Variants in RNF43 observed in about 807,000 individuals in gnomAD.
The protein encoded by RNF43 is ring finger protein 43.
In RNF43, 37 loss-of-function variants were observed where a neutral mutation model predicts 78.4. The observed-to-expected ratio is 0.47, with a 90% CI of 0.36 to 0.62. RNF43 has a LOEUF of 0.62. Ranked by LOEUF, RNF43 falls within the 20% of genes least tolerant of loss-of-function variation. The pLI, the probability that RNF43 is intolerant of heterozygous loss-of-function variation, is 0.00. For synonymous variants in RNF43, 347 were observed against 395.0 expected (o/e 0.88, Z 1.44); for missense variants, 774 against 1,007.9 (o/e 0.77, Z 3.14).
At chr17:58,368,930 G>A (rs1973015734) in intron 3 of RNF43, among the ~76,000 whole-genome samples, 1 of 152,124 alleles carries the variant, frequency 6.6e-6, no homozygotes, top group Non-Finnish European at 1.5e-5. Context: ...AAGGTCTAGA[G>A]GTCCTGTGAG....
At chr17:58,392,377 A>C (rs1973578241) in intron 2 of RNF43, among the ~76,000 whole-genome samples, 1 of 152,252 alleles carries the variant, frequency 6.6e-6, no homozygotes, top group Non-Finnish European at 1.5e-5. Flanking sequence ...ATGACCAAAA[A>C]ATGAACTTAT....
intron 2 of RNF43, among the ~76,000 whole-genome samples, chr17:58,401,189 T>C (rs547596984): frequency 2.6e-5 from 4 of 152,276 alleles, no homozygotes; most frequent in Non-Finnish European, 5.9e-5. Flanking sequence ...GATTCATGCT[T>C]ATTAATAGAT....
chr17:58,407,667 A>AT (rs1973941507), intron 2 of RNF43, among the ~76,000 whole-genome samples: 1 of 152,244 alleles, frequency 6.6e-6, no homozygotes, highest in African/African-American at 2.4e-5. Context: ...GGCTTTAAAA[A>AT]ATATATAAAG....
In RNF43 at chr17:58,360,245, G is replaced by A. The variant is rs886926322; in HGVS notation, c.856C>T (p.Arg286Trp). Residue 286 changes from arginine (R) to tryptophan (W), a missense_variant, in exon 8 of 10, where the codon CGG becomes TGG. Transcript: ENST00000407977. This position sits in a 1 kb window ranked among gnomAD's most constrained non-coding sequence, Gnocchi z 4.3. Reference sequence around the variant, plus strand: ...AACTCATGGAGGCAGGAAATGACCCGTAGCTCCTGGAGAAAAAGAGGGGGT... The same window carrying A: ...AACTCATGGAGGCAGGAAATGACCCATAGCTCCTGGAGAAAAAGAGGGGGT... ...LEEFSEGQEL[R>W]VISCLHEFHR... 1.2e-6 allele frequency: 2 copies of A among 1,613,560 alleles called. No homozygotes were observed. The highest frequency in any genetic ancestry group is 1.7e-6 in the Non-Finnish European group (2 of 1,179,496).
intron 2 of RNF43, among the ~76,000 whole-genome samples, chr17:58,391,051 T>A (rs1973546271): frequency 6.6e-6 from 1 of 152,226 alleles, no homozygotes; most frequent in African/African-American, 2.4e-5. Flanking sequence ...ATGTTTGTTA[T>A]CTTATGCTCC....
chr17:58,385,850 T>C (rs1259096245), intron 2 of RNF43, among the ~76,000 whole-genome samples: 1 of 152,180 alleles, frequency 6.6e-6, no homozygotes, highest in Non-Finnish European at 1.5e-5. Context: ...CTCATGCTTG[T>C]AATCCCATAA....
chr17:58,405,729 A>C (rs1489070874), intron 2 of RNF43, among the ~76,000 whole-genome samples: 1 of 151,624 alleles, frequency 6.6e-6, no homozygotes, highest in African/African-American at 2.4e-5. Flanking sequence ...AAAGAAAGAA[A>C]GAAAGAAAGA....
At chr17:58,414,605 T>C (rs2680687) in intron 2 of RNF43, among the ~76,000 whole-genome samples, 23,490 of 152,220 alleles carry the variant, frequency 0.15, 2,148 homozygotes, top group Non-Finnish European at 0.22. Context: ...GAATAGGCCA[T>C]GTATGAATGA....
chr17:58,381,245 T>C lies in RNF43; in HGVS notation c.253-10212A>G, dbSNP rs374844970. Among the ~76,000 whole-genome samples, 22 of 152,098 alleles carry C rather than the reference T, an allele frequency of 1.4e-4. 1 individual carries two copies. The South Asian group carries it at 2.1e-3, about 14-fold the overall frequency. On this transcript the variant is annotated intron_variant, in intron 2 of 9. Coordinates refer to ENST00000407977, the MANE Select transcript of RNF43 (RefSeq NM_017763.6). ...GCCCAGAGTCTCTCCTCAGAAGCCA[T>C]TGGGGGGTTGACATTAGGCCAAGAA...
At chr17:58,392,002 C>T (rs988356939) in intron 2 of RNF43, among the ~76,000 whole-genome samples, 2 of 149,330 alleles carry the variant, frequency 1.3e-5, no homozygotes, top group African/African-American at 5.0e-5. Context: ...AGAAAAACGA[C>T]CCTCAAGATG....
At chr17:58,356,458 T>C (rs1972686260) in intron 9 of RNF43, among the ~76,000 whole-genome samples, 2 of 152,156 alleles carry the variant, frequency 1.3e-5, no homozygotes, top group South Asian at 2.1e-4. Context: ...AAGAGAGATA[T>C]GTGGGCAAGT....
intron 2 of RNF43, among the ~76,000 whole-genome samples, chr17:58,378,494 T>C (rs1476154107): frequency 1.3e-5 from 2 of 152,202 alleles, no homozygotes; most frequent in Non-Finnish European, 2.9e-5. Flanking sequence ...TGGGCTCAAG[T>C]GATCCTCCTG....
intron 2 of RNF43, among the ~76,000 whole-genome samples, chr17:58,401,004 T>G (rs1045189347): frequency 3.9e-5 from 6 of 152,122 alleles, no homozygotes; most frequent in Non-Finnish European, 8.8e-5. Context: ...TAACCTACAT[T>G]TCTGGGAAAA....
At chr17:58,401,487 T>C (rs1973798827) in intron 2 of RNF43, among the ~76,000 whole-genome samples, 1 of 152,234 alleles carries the variant, frequency 6.6e-6, no homozygotes, top group African/African-American at 2.4e-5. Flanking sequence ...TTGATTCCAT[T>C]GTCTCTGCCA....
In RNF43 at chr17:58,360,222, C is replaced by T. The variant is rs1567875053; in HGVS notation, c.879G>A (p.Glu293=). The change falls in exon 8 of 10, where the codon GAG becomes GAA. Residue 293 remains glutamate (E), a synonymous_variant. Coordinates refer to ENST00000407977, the MANE Select transcript of RNF43 (RefSeq NM_017763.6). The surrounding 1 kb of genome is among the most constrained non-coding windows in gnomAD (Gnocchi z 4.3). The part of the protein sequence containing the change: ...QELRVISCLH[E]FHRNCVDPWL... ...AGGGGTCCACACAGTTACGATGGAA[C>T]TCATGGAGGCAGGAAATGACCCGTA... 1 of 1,614,072 alleles carries T rather than the reference C, an allele frequency of 6.2e-7. No individual in the cohort carries two copies. Among genetic ancestry groups the T allele is most frequent in the East Asian group, 2.2e-5 (1 of 44,876 alleles).
At chr17:58,394,208 T>A (rs561117102) in intron 2 of RNF43, among the ~76,000 whole-genome samples, 21 of 152,258 alleles carry the variant, frequency 1.4e-4, no homozygotes, top group Non-Finnish European at 2.8e-4. Context: ...TTGGTTGCAA[T>A]GAAATGAAAG....
intron 2 of RNF43, among the ~76,000 whole-genome samples, chr17:58,400,517 T>C (rs1179104743): frequency 6.6e-6 from 1 of 152,186 alleles, no homozygotes; most frequent in East Asian, 1.9e-4. Flanking sequence ...GCAACACTCA[T>C]ACATTATTTC....
chr17:58,366,552 G>A (rs947545644), intron 3 of RNF43, among the ~76,000 whole-genome samples: 4 of 152,328 alleles, frequency 2.6e-5, no homozygotes, highest in Middle Eastern at 3.4e-3. Context: ...AGGGTGAAAG[G>A]AAGGAGAAGG....
intron 3 of RNF43, among the ~76,000 whole-genome samples, chr17:58,370,060 GTTTTTTTTTTTTTTT>G (rs56372311): frequency 3.1e-4 from 30 of 96,278 alleles, no homozygotes; most frequent in Admixed American, 1.9e-3. Context: ...GAAAATCTGA[GTTTTTTTTTTTTTTT>G]TTTTTTTTTT....
Sources: gnomAD v4.1 joint callset for allele counts (sites outside exome capture counted in the v4.1 genomes callset) on GRCh38, gnomAD v4.1.1 for gene constraint, Gnocchi (gnomAD v3.1) non-coding constraint, MANE v1.5 for transcripts, NCBI Gene and HGNC (gene_info 2026-07-23, HGNC 2026-07-21) for gene names.